WWOX: variants seen among roughly 807,000 people sequenced by gnomAD.
The protein encoded by WWOX is WW domain containing oxidoreductase.
In WWOX, 69 loss-of-function variants were observed where a neutral mutation model predicts 46.2. That is an observed-to-expected ratio of 1.49 (90% CI 1.23 to 1.82). The LOEUF (loss-of-function observed/expected upper bound fraction) is 1.82. Ranked by LOEUF, WWOX falls within the 40% of genes most tolerant of loss-of-function variation. The pLI is 0.00. For missense variants in WWOX, 919 were observed against 542.6 expected, an observed-to-expected ratio of 1.69 and a Z score of -6.89; for synonymous variants, 359 against 202.6, an observed-to-expected ratio of 1.77 and a Z score of -6.56.
At chr16:78,674,828 C>CT (rs2047553538) in intron 8 of WWOX, among the ~76,000 whole-genome samples, 3 of 102,364 alleles carry the variant, frequency 2.9e-5, no homozygotes, top group Non-Finnish European at 6.4e-5. Flanking sequence ...TTTCATTTTT[C>CT]ATTTTTTTTT....
At chr16:78,363,707 C>T (rs2081465872) in intron 5 of WWOX, among the ~76,000 whole-genome samples, 1 of 152,188 alleles carries the variant, frequency 6.6e-6, no homozygotes, top group Non-Finnish European at 1.5e-5. Flanking sequence ...CCTATATTTG[C>T]CAACCCTCAA....
At chr16:79,180,375 A>G (rs3751832) in intron 8 of WWOX, among the ~76,000 whole-genome samples, 17,215 of 152,244 alleles carry the variant, frequency 0.11, 1,325 homozygotes, top group East Asian at 0.35. Flanking sequence ...CTATAAATCT[A>G]TCCGTTAACA....
intron 5 of WWOX, among the ~76,000 whole-genome samples, chr16:78,269,411 A>G (rs1356841137): frequency 6.6e-6 from 1 of 152,180 alleles, no homozygotes; most frequent in African/African-American, 2.4e-5. Flanking sequence ...CAGCTGCCAC[A>G]CAGTCATGCT....
At chr16:78,807,391 T>C (rs781590730) in intron 8 of WWOX, among the ~76,000 whole-genome samples, 8 of 152,258 alleles carry the variant, frequency 5.3e-5, no homozygotes, top group Admixed American at 2.0e-4. Context: ...CTTGTTCTTC[T>C]AAGCTTGAAC....
chr16:78,413,547 G>T (rs182952725), intron 6 of WWOX, among the ~76,000 whole-genome samples: 306 of 152,272 alleles, frequency 2.0e-3, no homozygotes, highest in Non-Finnish European at 3.5e-3. Context: ...ACGTTGATCA[G>T]TTAGGTAGGG....
At chr16:79,019,024 G>A (rs971987250) in intron 8 of WWOX, among the ~76,000 whole-genome samples, 1 of 151,700 alleles carries the variant, frequency 6.6e-6, no homozygotes, top group African/African-American at 2.4e-5. Context: ...AGGCATGGTG[G>A]CTCATGCCTG....
chr16:78,718,533 T>G (rs192798310), intron 8 of WWOX, among the ~76,000 whole-genome samples: 2 of 152,172 alleles, frequency 1.3e-5, no homozygotes, highest in Non-Finnish European at 1.5e-5. Context: ...TCAGAAAAAT[T>G]TATCTTTTAG....
chr16:78,951,484 A>C (rs1392767129), intron 8 of WWOX, among the ~76,000 whole-genome samples: 1 of 149,736 alleles, frequency 6.7e-6, no homozygotes, highest in African/African-American at 2.5e-5. Flanking sequence ...GATCCACACC[A>C]TATAGACTGT....
At chr16:78,581,525 C>T (rs138559673) in intron 8 of WWOX, among the ~76,000 whole-genome samples, 104 of 152,218 alleles carry the variant, frequency 6.8e-4, no homozygotes, top group African/African-American at 2.4e-3. Context: ...CTAGTCTTGT[C>T]GTCTTACACG....
In WWOX at chr16:78,775,504, G is replaced by A. The variant is rs116067127; in HGVS notation, c.1056+342752G>A. Reference sequence around the variant, plus strand: ...GTTGAAACAGAGAAGTCACTGTAGCGCCCTCCGGGGGGTGGGGTATCAAGG... The same window carrying A: ...GTTGAAACAGAGAAGTCACTGTAGCACCCTCCGGGGGGTGGGGTATCAAGG... On this transcript the variant is annotated intron_variant, in intron 8 of 8. Coordinates refer to ENST00000566780, the MANE Select transcript of WWOX (RefSeq NM_016373.4). Among the ~76,000 whole-genome samples, 858 of 152,186 alleles carry A rather than the reference G, an allele frequency of 5.6e-3. 10 individuals carry two copies. The highest frequency in any genetic ancestry group is 0.017 in the African/African-American group (697 of 41,516).
Position 79,211,678 on chromosome 16 carries a change from T to A in WWOX, c.1127T>A (p.Phe376Tyr), listed in dbSNP as rs2051757522. Residue 376 changes from phenylalanine (F) to tyrosine (Y), a missense_variant, in exon 9 of 9, where the codon TTC becomes TAC. Coordinates refer to ENST00000566780, the MANE Select transcript of WWOX (RefSeq NM_016373.4). ...PELEGLGGMYFNNCCRCMPSP... is the reference protein window; with the variant it reads ...PELEGLGGMYYNNCCRCMPSP... Reference sequence around the variant, plus strand: ...CTGGAGGGTCTGGGAGGGATGTACTTCAACAACTGCTGCCGCTGCATGCCC... The same window carrying A: ...CTGGAGGGTCTGGGAGGGATGTACTACAACAACTGCTGCCGCTGCATGCCC... The A allele has an allele frequency of 1.2e-6, 2 of 1,614,060 alleles. No individual in the cohort carries two copies. The highest frequency in any genetic ancestry group is 1.7e-6 in the Non-Finnish European group (2 of 1,180,040).
intron 8 of WWOX, among the ~76,000 whole-genome samples, chr16:78,527,968 A>ATGTCACAG (rs943131448): frequency 3.1e-5 from 4 of 128,762 alleles, no homozygotes; most frequent in African/African-American, 1.2e-4. Flanking sequence ...CAAGGTGGCT[A>ATGTCACAG]TGTCACAGGA....
At chr16:78,272,374 A>G (rs148430316) in intron 5 of WWOX, among the ~76,000 whole-genome samples, 158 of 152,266 alleles carry the variant, frequency 1.0e-3, no homozygotes, top group African/African-American at 3.5e-3. Context: ...GGGCCATCAG[A>G]TTTCTTACAT....
chr16:78,643,792 A>C (rs995422149), intron 8 of WWOX, among the ~76,000 whole-genome samples: 3 of 150,856 alleles, frequency 2.0e-5, no homozygotes, highest in African/African-American at 7.3e-5. Context: ...CTTGCTCAGC[A>C]GTTGAAATGG....
At chr16:78,567,005 C>G (rs900040558) in intron 8 of WWOX, among the ~76,000 whole-genome samples, 3 of 152,284 alleles carry the variant, frequency 2.0e-5, no homozygotes, top group Middle Eastern at 3.4e-3. Context: ...TGTGTGCTTT[C>G]TATGTGCCAG....
intron 5 of WWOX, among the ~76,000 whole-genome samples, chr16:78,385,727 G>T (rs1183079192): frequency 6.6e-6 from 1 of 152,142 alleles, no homozygotes; most frequent in African/African-American, 2.4e-5. Flanking sequence ...CAGGTATCAT[G>T]TTATCCTCCT....
At chr16:78,649,931 C>T (rs143261809) in intron 8 of WWOX, among the ~76,000 whole-genome samples, 1 of 152,140 alleles carries the variant, frequency 6.6e-6, no homozygotes, top group African/African-American at 2.4e-5. Context: ...GATCAACAGC[C>T]CTGGCCACCA....
intron 8 of WWOX, among the ~76,000 whole-genome samples, chr16:78,736,583 T>A (rs2049097679): frequency 6.6e-6 from 1 of 151,806 alleles, no homozygotes; most frequent in South Asian, 2.1e-4. Flanking sequence ...CTTTCTTGTT[T>A]TGTTTTGTTG....
intron 8 of WWOX, among the ~76,000 whole-genome samples, chr16:78,575,485 G>A (rs1453384209): frequency 6.6e-6 from 1 of 151,956 alleles, no homozygotes; most frequent in Non-Finnish European, 1.5e-5. Context: ...ATGTCTGCAT[G>A]GAGGACAAGA....
Sources: gnomAD v4.1 joint callset for allele counts (sites outside exome capture counted in the v4.1 genomes callset) on GRCh38, gnomAD v4.1.1 for gene constraint, MANE v1.5 for transcripts, NCBI Gene and HGNC (gene_info 2026-07-23, HGNC 2026-07-21) for gene names.